TOM1: variants seen among roughly 807,000 people sequenced by gnomAD.
TOM1 encodes the protein target of myb1 membrane trafficking protein.
Under a neutral mutation model 61.3 loss-of-function variants are expected in TOM1, and 38 were observed. That is an observed-to-expected ratio of 0.62 (90% CI 0.48 to 0.81). The LOEUF (loss-of-function observed/expected upper bound fraction) is 0.81, where lower values mean the gene tolerates loss of function less well. Ranked by LOEUF, TOM1 falls within the 40% of genes least tolerant of loss-of-function variation. The pLI is 0.00. For synonymous variants in TOM1, 270 were observed against 268.8 expected (o/e 1.00, Z -0.04); for missense variants, 591 against 659.6 (o/e 0.90, Z 1.14).
intron 12 of TOM1, among the ~76,000 whole-genome samples, chr22:35,340,468 C>T (rs1929782369): frequency 6.6e-6 from 1 of 151,992 alleles, no homozygotes; most frequent in African/African-American, 2.4e-5. Context: ...CAGGGAGGGC[C>T]GGGCACAGTG....
intron 3 of TOM1, chr22:35,322,383 C>T (rs913001901): frequency 3.5e-5 from 10 of 282,746 alleles, no homozygotes; most frequent in Non-Finnish European, 6.0e-5. Context: ...GGGTGCTGCT[C>T]GGCACTTTGG....
In TOM1 at chr22:35,323,159, A is replaced by G; in HGVS notation, c.348A>G (p.Lys116=). The G allele has an allele frequency of 6.2e-7, 1 of 1,613,982 alleles. No homozygotes were observed. The change falls in exon 4 of 15, where the codon AAA becomes AAG. Residue 116 remains lysine (K), a synonymous_variant. Coordinates refer to ENST00000449058, the MANE Select transcript of TOM1 (RefSeq NM_005488.3). This position sits in a 1 kb window ranked among gnomAD's most constrained non-coding sequence, Gnocchi z 4.2. ...ACCCACCCACCATCGTGCATGACAA[A>G]GTGCTCAACCTCATCCAGGTGAGTG... The part of the protein sequence containing the change: ...KNNPPTIVHD[K]VLNLIQSWAD...
intron 11 of TOM1, among the ~76,000 whole-genome samples, chr22:35,335,206 G>A (rs1392603554): frequency 6.6e-6 from 1 of 152,162 alleles, no homozygotes; most frequent in Non-Finnish European, 1.5e-5. Context: ...TGAGCTGTGG[G>A]CAGCCAGGAT....
At position 35,302,306 on chromosome 22, in the gene TOM1, T is replaced by C. The variant is rs150110673; in HGVS notation, c.52+2326T>C. 1.9e-3 allele frequency among the ~76,000 whole-genome samples: 286 copies of C among 149,570 alleles called. 3 individuals carry two copies. Among genetic ancestry groups the C allele is most frequent in the African/African-American group, 7.0e-3 (280 of 40,252 alleles). On this transcript the variant is annotated intron_variant, in intron 1 of 14. Coordinates refer to ENST00000449058, the MANE Select transcript of TOM1 (RefSeq NM_005488.3). ...GGGACTCTAGAATGTGAATTTCTTT[T>C]TTTTTCTTTTTCTTTTTCTTTTTCT...
At chr22:35,301,281 CACAT>C (rs200235107) in intron 1 of TOM1, among the ~76,000 whole-genome samples, 1 of 149,288 alleles carries the variant, frequency 6.7e-6, no homozygotes, top group African/African-American at 2.5e-5. Flanking sequence ...TAAAAATATA[CACAT>C]ACAAACATAC....
At chr22:35,340,496 C>T (rs1352883969) in intron 12 of TOM1, among the ~76,000 whole-genome samples, 1 of 151,988 alleles carries the variant, frequency 6.6e-6, no homozygotes, top group Non-Finnish European at 1.5e-5. Context: ...CCTGGAATCC[C>T]AGCACTTTAG....
Position 35,323,070 on chromosome 22 carries a change from G to C in TOM1, c.259G>C (p.Val87Leu). 6.2e-7 allele frequency: 1 copy of C among 1,614,170 alleles called. No homozygotes were observed. Among genetic ancestry groups the C allele is most frequent in the Non-Finnish European group, 8.5e-7 (1 of 1,180,042 alleles). The change falls in exon 4 of 15, where the codon GTG (valine) becomes CTG (leucine). Residue 87 changes from valine (V) to leucine (L), a missense_variant. Physicochemically the swap from Val to Leu is conservative, Grantham distance 32. Coordinates refer to ENST00000449058, the MANE Select transcript of TOM1 (RefSeq NM_005488.3). This position sits in a 1 kb window ranked among gnomAD's most constrained non-coding sequence, Gnocchi z 4.2. ...CVKNCGHRFH[V>L]LVASQDFVES... Reference sequence around the variant, plus strand: ...CAAGAACTGCGGGCACCGCTTCCACGTGCTGGTGGCCAGCCAGGACTTCGT... The same window carrying C: ...CAAGAACTGCGGGCACCGCTTCCACCTGCTGGTGGCCAGCCAGGACTTCGT...
In TOM1 at chr22:35,327,021, G is replaced by A. The variant is rs531277283; in HGVS notation, c.649-250G>A. Among the ~76,000 whole-genome samples, 30 of 152,328 alleles carry A rather than the reference G, an allele frequency of 2.0e-4. No individual in the cohort carries two copies. The South Asian group carries it at 6.2e-3, about 32-fold the overall frequency. ...TGCTGGAGTCTTCCAGCCACACGTG[G>A]TGGCTCATTCCGGTGTGGAGATGGT... is the stretch of plus-strand genomic sequence containing the variant. On this transcript the variant is annotated intron_variant, in intron 6 of 14. Transcript: ENST00000449058.
chr22:35,334,429 C>G lies in TOM1; in HGVS notation c.1129C>G (p.Leu377Val). ...GTTTGCGCTGACACGGGGCAGCTCA[C>G]TGGCTGACCAACGGAAAGAGTGAGT... The part of the protein sequence containing the change: ...DMFALTRGSS[L>V]ADQRKEVKYE... The change falls in exon 11 of 15, where the codon CTG becomes GTG. Residue 377 changes from leucine to valine, a missense_variant. Coordinates refer to ENST00000449058, the MANE Select transcript of TOM1 (RefSeq NM_005488.3). 6.2e-7 allele frequency: 1 copy of G among 1,614,102 alleles called. No individual in the cohort carries two copies. Among genetic ancestry groups the G allele is most frequent in the South Asian group, 1.1e-5 (1 of 91,080 alleles).
chr22:35,329,570 C>T (rs983437173), intron 7 of TOM1, among the ~76,000 whole-genome samples: 1 of 152,082 alleles, frequency 6.6e-6, no homozygotes, highest in Non-Finnish European at 1.5e-5. Flanking sequence ...TTTAAAAAGA[C>T]AAAAAATCAG....
chr22:35,332,016 A>T (rs1408330658), intron 8 of TOM1, among the ~76,000 whole-genome samples: 1 of 152,202 alleles, frequency 6.6e-6, no homozygotes, highest in African/African-American at 2.4e-5. Context: ...AGTGTCTGTA[A>T]AGCGCTTAGC....
chr22:35,339,108 A>G (rs1601711601), intron 12 of TOM1, among the ~76,000 whole-genome samples: 2 of 152,228 alleles, frequency 1.3e-5, no homozygotes, highest in East Asian at 3.9e-4. Context: ...AGGCGGGTGG[A>G]TCACCTGAGG....
At chr22:35,321,662 G>A in intron 2 of TOM1, 1 of 493,930 alleles carries the variant, frequency 2.0e-6, no homozygotes, top group Non-Finnish European at 4.1e-6. Context: ...GCCTCCCAAA[G>A]TCCTGGGATT....
chr22:35,334,547 G>A (rs574154377), intron 11 of TOM1, 99 bp downstream of exon 11: 21 of 1,454,374 alleles, frequency 1.4e-5, no homozygotes, highest in Middle Eastern at 1.9e-4. Flanking sequence ...AAGGGCACAC[G>A]GACCCTGCTT....
In TOM1 at chr22:35,347,455, A is replaced by G. The variant is rs1036216046; in HGVS notation, c.*246A>G. 1 of 425,132 alleles carries G rather than the reference A, an allele frequency of 2.4e-6. No homozygotes were observed. Among genetic ancestry groups the G allele is most frequent in the Non-Finnish European group, 4.2e-6 (1 of 239,286 alleles). 26.3% of individuals were successfully genotyped at this position (425,132 alleles called of 1,614,324 possible). A position where few individuals can be genotyped will look rare whatever the true frequency, so the allele number is the denominator to read the frequency against. Reference sequence around the variant, plus strand: ...GCCTCCTTTCCCACCCCAGCTGACCATGAGACTTTGCTGAGAAGTGGAGGC... The same window carrying G: ...GCCTCCTTTCCCACCCCAGCTGACCGTGAGACTTTGCTGAGAAGTGGAGGC... On this transcript the variant is annotated 3_prime_UTR_variant, in exon 15 of 15. Transcript: ENST00000449058.
At chr22:35,329,838 T>G (rs1386640649) in intron 7 of TOM1, among the ~76,000 whole-genome samples, 1 of 152,206 alleles carries the variant, frequency 6.6e-6, no homozygotes, top group Admixed American at 6.6e-5. Flanking sequence ...TTCCTGTGGA[T>G]TAAATTTTAG....
chr22:35,322,738 T>G, intron 3 of TOM1: 1 of 377,964 alleles, frequency 2.6e-6, no homozygotes, highest in East Asian at 5.2e-5. Context: ...CTCTAGACCA[T>G]GTTTAGCTCA....
In TOM1 at chr22:35,338,769, G is replaced by A. The variant is rs759085181; in HGVS notation, c.1205G>A (p.Arg402Gln). The A allele has an allele frequency of 7.5e-6, 12 of 1,600,976 alleles. No homozygotes were observed. Among genetic ancestry groups the A allele is most frequent in the South Asian group, 4.5e-5 (4 of 88,828 alleles). The part of the protein sequence containing the change: ...TDGLAGALDA[R>Q]QQSTGAIPVT... ...GGCCTGGCTGGAGCCCTGGACGCCC[G>A]GCAGCAGAGCACTGGCGCGGTAAGC... Residue 402 changes from arginine to glutamine, a missense_variant, in exon 12 of 15, where the codon CGG (arginine) becomes CAG (glutamine). Arg to Gln is a conservative substitution (Grantham distance 43). Coordinates refer to ENST00000449058, the MANE Select transcript of TOM1 (RefSeq NM_005488.3).
intron 11 of TOM1, among the ~76,000 whole-genome samples, chr22:35,335,086 G>T (rs549407804): frequency 6.6e-6 from 1 of 152,254 alleles, no homozygotes; most frequent in East Asian, 1.9e-4. Flanking sequence ...GTCCACCAGG[G>T]TCTGACCCCT....
Sources: allele counts gnomAD v4.1 joint callset (sites outside exome capture counted in the v4.1 genomes callset), GRCh38; gene constraint gnomAD v4.1.1; non-coding constraint Gnocchi (gnomAD v3.1); transcripts MANE v1.5; gene names NCBI Gene and HGNC (gene_info 2026-07-23, HGNC 2026-07-21).